Variants in ADGRL2 observed in about 807,000 individuals in gnomAD.
ADGRL2 encodes adhesion G protein-coupled receptor L2, also known as calcium-independent alpha-latrotoxin receptor 2.
In ADGRL2, 44 loss-of-function variants were observed where a neutral mutation model predicts 157.4. That is an observed-to-expected ratio of 0.28 (90% CI 0.22 to 0.36). ADGRL2 has a LOEUF of 0.36. Among genes scored for constraint, ADGRL2 ranks in the 10% least tolerant of loss-of-function variants. ADGRL2 has a pLI of 1.00. For missense variants in ADGRL2, 1,510 were observed against 1,768.9 expected, an observed-to-expected ratio of 0.85 and a Z score of 2.63; for synonymous variants, 585 against 624.7, an observed-to-expected ratio of 0.94 and a Z score of 0.95.
In ADGRL2 at chr1:81,951,087, G is replaced by C. The variant is rs1307000905; in HGVS notation, c.1574G>C (p.Cys525Ser). The change falls in exon 8 of 24, where the codon TGT (cysteine) becomes TCT (serine). Residue 525 changes from cysteine (C) to serine (S), a missense_variant. Cys to Ser is a moderately radical substitution (Grantham distance 112, BLOSUM62 -1). Around this residue, in one of 4 missense-constraint regions of ADGRL2, gnomAD observed 325 missense variants for 333.2 expected, o/e 0.98. Coordinates refer to ENST00000686636, the MANE Select transcript of ADGRL2 (RefSeq NM_001366006.2). ...CCTAAGGGCCCCGATCTTAGCAACT[G>C]TACCTCACACTGGGTGAATCAGCTG... ...WNPKGPDLSNCTSHWVNQLAQ... is the reference protein window; with the variant it reads ...WNPKGPDLSNSTSHWVNQLAQ... The C allele has an allele frequency of 6.2e-7, 1 of 1,613,472 alleles. No individual in the cohort carries two copies. The highest frequency in any genetic ancestry group is 1.7e-5 in the Admixed American group (1 of 60,014).
At chr1:81,566,129 G>A (rs2080555514) in intron 2 of ADGRL2, among the ~76,000 whole-genome samples, 1 of 152,070 alleles carries the variant, frequency 6.6e-6, no homozygotes, top group Non-Finnish European at 1.5e-5. Flanking sequence ...AAAACAAGGA[G>A]TTTTCATACA....
At chr1:81,893,026 A>G (rs1183676560) in intron 2 of ADGRL2, among the ~76,000 whole-genome samples, 1 of 152,158 alleles carries the variant, frequency 6.6e-6, no homozygotes, top group African/African-American at 2.4e-5. Context: ...AGTTTTGCCA[A>G]GTCAGTAAAT....
intron 2 of ADGRL2, among the ~76,000 whole-genome samples, chr1:81,505,621 C>T (rs1049980588): frequency 1.3e-5 from 2 of 150,592 alleles, no homozygotes; most frequent in Middle Eastern, 3.2e-3. Flanking sequence ...CTGAAGGTGC[C>T]ATCAGCCAGG....
intron 1 of ADGRL2, among the ~76,000 whole-genome samples, chr1:81,816,045 T>C (rs2090371284): frequency 6.6e-6 from 1 of 151,828 alleles, no homozygotes; most frequent in Non-Finnish European, 1.5e-5. Flanking sequence ...TTGAATAGCT[T>C]GTAGTGCAAG....
At chr1:81,937,923 A>G (rs916416878) in intron 4 of ADGRL2, among the ~76,000 whole-genome samples, 9 of 151,878 alleles carry the variant, frequency 5.9e-5, no homozygotes, top group African/African-American at 2.2e-4. Flanking sequence ...GTAGTAATAC[A>G]TTCTGACACA....
intron 2 of ADGRL2, among the ~76,000 whole-genome samples, chr1:81,488,043 T>C (rs2078546752): frequency 6.6e-6 from 1 of 152,180 alleles, no homozygotes; most frequent in Admixed American, 6.5e-5. Context: ...TGTTACTGCA[T>C]GCTACCCCTG....
Position 81,869,032 on chromosome 1 carries a change from T to C in ADGRL2, c.73+31975T>C, listed in dbSNP as rs982116063. Among the ~76,000 whole-genome samples, 7 of 152,116 alleles carry C rather than the reference T, an allele frequency of 4.6e-5. No individual in the cohort carries two copies. In the East Asian group the frequency reaches 1.2e-3, roughly 25 times the overall value. On this transcript the variant is annotated intron_variant, in intron 2 of 23. Coordinates refer to ENST00000686636, the MANE Select transcript of ADGRL2 (RefSeq NM_001366006.2). ...GTGGATTATCTTGCTACAGTAGAGA[T>C]GGTGTAAAGAAAATAGTTTAGAGAT...
At chr1:81,700,715 G>T (rs1385083325) in intron 1 of ADGRL2, among the ~76,000 whole-genome samples, 1 of 152,178 alleles carries the variant, frequency 6.6e-6, no homozygotes, top group East Asian at 1.9e-4. Flanking sequence ...CCAGAAGGGG[G>T]AAAGATAGGA....
At chr1:81,503,641 G>A (rs551163632) in intron 2 of ADGRL2, among the ~76,000 whole-genome samples, 6 of 152,164 alleles carry the variant, frequency 3.9e-5, no homozygotes, top group Non-Finnish European at 7.4e-5. Context: ...GCTGTACTCC[G>A]GGGGCAGGGA....
intron 3 of ADGRL2, among the ~76,000 whole-genome samples, chr1:81,920,192 G>A (rs555383003): frequency 6.6e-6 from 1 of 152,148 alleles, no homozygotes; most frequent in Non-Finnish European, 1.5e-5. Context: ...CCAATTAAAA[G>A]CTGCCTGTTA....
intron 2 of ADGRL2, among the ~76,000 whole-genome samples, chr1:81,849,578 A>G (rs1443389739): frequency 2.6e-5 from 4 of 151,948 alleles, no homozygotes; most frequent in African/African-American, 9.6e-5. Context: ...GTAAAATTGA[A>G]ACCCTTCTGG....
In ADGRL2 at chr1:81,918,065, C is replaced by T. The variant is rs1280729817; in HGVS notation, c.287+10835C>T. The stretch of plus-strand genomic sequence containing the variant: ...TTATGGTGGCTTAGGAATAGCCAAG[C>T]GCATTTAGAGATGCAGTTAGATGGA... On this transcript the variant is annotated intron_variant, in intron 3 of 23. Coordinates refer to ENST00000686636, the MANE Select transcript of ADGRL2 (RefSeq NM_001366006.2). Among the ~76,000 whole-genome samples, 4 of 152,128 alleles carry T rather than the reference C, an allele frequency of 2.6e-5. No individual in the cohort carries two copies. The East Asian group carries it at 5.8e-4, about 22-fold the overall frequency.
intron 1 of ADGRL2, among the ~76,000 whole-genome samples, chr1:81,413,603 G>A (rs147754897): frequency 3.9e-5 from 6 of 152,286 alleles, no homozygotes; most frequent in East Asian, 1.9e-4. Flanking sequence ...TCATGTCCTC[G>A]TTCGAGAGTT....
At chr1:81,401,327 G>A (rs1307494304) in intron 1 of ADGRL2, among the ~76,000 whole-genome samples, 1 of 152,180 alleles carries the variant, frequency 6.6e-6, no homozygotes, top group Non-Finnish European at 1.5e-5. Context: ...GGGGACCCCA[G>A]TGTTGAAGAC....
At chr1:81,950,781 T>A (rs2149069192) in intron 7 of ADGRL2, among the ~76,000 whole-genome samples, 1 of 152,298 alleles carries the variant, frequency 6.6e-6, no homozygotes, top group Middle Eastern at 3.4e-3. Flanking sequence ...TTTGGATGAA[T>A]CCCAAGAAAA....
chr1:81,668,223 G>A (rs1218783804), intron 3 of ADGRL2, among the ~76,000 whole-genome samples: 1 of 152,006 alleles, frequency 6.6e-6, no homozygotes, highest in Admixed American at 6.6e-5. Flanking sequence ...TCAGGAGTTC[G>A]AGACCGGCCT....
rs534087552 is a variant in ADGRL2, at chr1:81,475,673, G to C, written c.-248+30584G>C. On this transcript the variant is annotated intron_variant, in intron 2 of 24. Transcript: ENST00000370721. ...TCTCTCATACTAAAAGGATTATTTG[G>C]GGGGAGGAGATGGACAGAGAAGTAC... 1.2e-4 allele frequency among the ~76,000 whole-genome samples: 18 copies of C among 152,168 alleles called. No individual in the cohort carries two copies. The South Asian group carries it at 3.5e-3, about 30-fold the overall frequency.
intron 1 of ADGRL2, among the ~76,000 whole-genome samples, chr1:81,706,373 A>G (rs1340799042): frequency 6.6e-6 from 1 of 152,196 alleles, no homozygotes; most frequent in African/African-American, 2.4e-5. Context: ...AACCTTGGTG[A>G]TGACATTTTT....
chr1:81,833,583 G>A (rs1294932526), intron 1 of ADGRL2, among the ~76,000 whole-genome samples: 1 of 152,116 alleles, frequency 6.6e-6, no homozygotes, highest in East Asian at 1.9e-4. Context: ...TGTTAAATAA[G>A]CCTCATCACA....
Sources: allele counts gnomAD v4.1 joint callset (sites outside exome capture counted in the v4.1 genomes callset), GRCh38; gene constraint gnomAD v4.1.1; regional missense constraint gnomAD v4.1.1; transcripts MANE v1.5; gene names NCBI Gene and HGNC (gene_info 2026-07-23, HGNC 2026-07-21).